The following REC114 variants were observed in gnomAD, a reference collection of about 807,000 sequenced individuals.
The protein encoded by REC114 is meiotic recombination protein REC114.
Under a neutral mutation model 31.3 loss-of-function variants are expected in REC114, and 27 were observed. The ratio of observed to expected loss-of-function variants is 0.86; its 90% CI spans 0.64 to 1.19. REC114 has a LOEUF of 1.19. REC114 is among the 50% of genes most tolerant of loss of function. The pLI, the probability that REC114 is intolerant of heterozygous loss-of-function variation, is 0.00. For missense variants in REC114, 344 were observed against 326.9 expected (o/e 1.05, Z -0.40); for synonymous variants, 134 against 127.7 (o/e 1.05, Z -0.33).
At chr15:73,506,884 C>G (rs574491129) in intron 2 of REC114, among the ~76,000 whole-genome samples, 1 of 151,972 alleles carries the variant, frequency 6.6e-6, no homozygotes, top group Non-Finnish European at 1.5e-5. Flanking sequence ...ATATTAACTA[C>G]GTAAAAGTAG....
rs1481010642 is a variant in REC114 at position 73,508,601 on chromosome 15, C to A, written c.250-31884C>A. ...CAATGCTATCCCTCCCCCCTCCCCC[C>A]ACCCCACAACAGTCCCCAGAGTGTG... On this transcript the variant is annotated intron_variant, in intron 2 of 5. Coordinates refer to ENST00000331090, the MANE Select transcript of REC114 (RefSeq NM_001042367.2). 9.2e-4 allele frequency among the ~76,000 whole-genome samples: 108 copies of A among 116,774 alleles called. 1 individual carries two copies. The highest frequency in any genetic ancestry group is 3.2e-3 in the African/African-American group (100 of 31,218). 76.6% of individuals were successfully genotyped at this position (116,774 alleles called of 152,430 possible).
chr15:73,498,575 A>T (rs575103578), intron 2 of REC114, among the ~76,000 whole-genome samples: 1 of 152,212 alleles, frequency 6.6e-6, no homozygotes, highest in Admixed American at 6.5e-5. Flanking sequence ...AAATAGCAGT[A>T]TTTGAACTTC....
chr15:73,521,400 G>T (rs1893933869), intron 2 of REC114, among the ~76,000 whole-genome samples: 1 of 152,102 alleles, frequency 6.6e-6, no homozygotes, highest in Admixed American at 6.6e-5. Flanking sequence ...TATTAGAAAA[G>T]ATGTAAGAGT....
chr15:73,487,951 C>T (rs532893172), intron 2 of REC114, among the ~76,000 whole-genome samples: 2 of 152,302 alleles, frequency 1.3e-5, no homozygotes, highest in East Asian at 1.9e-4. Context: ...ACAGCTTGTG[C>T]ACCCTACACA....
At chr15:73,519,270 C>T (rs1300832006) in intron 2 of REC114, among the ~76,000 whole-genome samples, 1 of 152,074 alleles carries the variant, frequency 6.6e-6, no homozygotes, top group Non-Finnish European at 1.5e-5. Flanking sequence ...TAAAAGAGAC[C>T]CCAGAGAGCT....
chr15:73,453,371 C>T (rs1892877309), intron 1 of REC114, among the ~76,000 whole-genome samples: 1 of 152,142 alleles, frequency 6.6e-6, no homozygotes, highest in Non-Finnish European at 1.5e-5. Flanking sequence ...TGTAAAAAAG[C>T]TCGTCATCAC....
chr15:73,533,817 C>T (rs1894118965), intron 2 of REC114, among the ~76,000 whole-genome samples: 1 of 136,932 alleles, frequency 7.3e-6, no homozygotes, highest in South Asian at 2.6e-4. Context: ...TGTAAAAGAA[C>T]AGAAATTATA....
intron 2 of REC114, among the ~76,000 whole-genome samples, chr15:73,534,407 C>T (rs1375345151): frequency 3.1e-4 from 47 of 152,292 alleles, no homozygotes; most frequent in African/African-American, 5.1e-4. Context: ...ATCACCTCTA[C>T]GCAAATAAAC....
At chr15:73,482,764 C>T (rs1003519082) in intron 2 of REC114, among the ~76,000 whole-genome samples, 5 of 152,274 alleles carry the variant, frequency 3.3e-5, no homozygotes, top group Admixed American at 2.6e-4. Context: ...TTGTTAATAC[C>T]TTTTGCCTAT....
chr15:73,443,596 T>C (rs1892727633), intron 1 of REC114, among the ~76,000 whole-genome samples: 1 of 152,194 alleles, frequency 6.6e-6, no homozygotes, highest in African/African-American at 2.4e-5. Flanking sequence ...ATATTCAATG[T>C]GTATTTATTG....
At chr15:73,544,752 C>T (rs901337445) in intron 3 of REC114, among the ~76,000 whole-genome samples, 1 of 152,166 alleles carries the variant, frequency 6.6e-6, no homozygotes, top group Non-Finnish European at 1.5e-5. Flanking sequence ...TGCTGAAGTA[C>T]CTTCTCTGTT....
chr15:73,462,416 T>G (rs769621561), intron 1 of REC114, among the ~76,000 whole-genome samples: 18 of 152,196 alleles, frequency 1.2e-4, no homozygotes, highest in Non-Finnish European at 2.1e-4. Context: ...ATTCAAATCC[T>G]AAATACAGTA....
chr15:73,501,275 T>C (rs568963113), intron 2 of REC114, among the ~76,000 whole-genome samples: 1 of 152,196 alleles, frequency 6.6e-6, no homozygotes, highest in Non-Finnish European at 1.5e-5. Context: ...TTTTATTACA[T>C]GTAGTGTGGA....
Position 73,556,365 on chromosome 15 carries a change from A to C in REC114, c.610A>C (p.Arg204=), listed in dbSNP as rs774138589. 3.8e-5 allele frequency: 61 copies of C among 1,613,684 alleles called. No homozygotes were observed. Among genetic ancestry groups the C allele is most frequent in the Non-Finnish European group, 5.0e-5 (59 of 1,179,790 alleles). Residue 204 remains arginine, a synonymous_variant, in exon 5 of 6, where the codon AGG becomes CGG. Coordinates refer to ENST00000331090, the MANE Select transcript of REC114 (RefSeq NM_001042367.2). ...AGCGGGCACAGGCGCTCCAGACGGA[A>C]GGACCTCACTGACGCAGTTAGCTCA... ...VTAGTGAPDG[R]TSLTQLAQTL... is the part of the protein sequence containing the mutation.
chr15:73,446,422 C>T (rs1159644315), intron 1 of REC114, among the ~76,000 whole-genome samples: 1 of 152,054 alleles, frequency 6.6e-6, no homozygotes, highest in East Asian at 1.9e-4. Context: ...GGCGGATCAC[C>T]TGAGGTCAGG....
Position 73,473,885 on chromosome 15 carries a change from A to C in REC114, c.213A>C (p.Ser71=). The C allele has an allele frequency of 6.3e-7, 1 of 1,588,122 alleles. No homozygotes were observed. Among genetic ancestry groups the C allele is most frequent in the Non-Finnish European group, 8.6e-7 (1 of 1,164,804 alleles). The change falls in exon 2 of 6, where the codon TCA becomes TCC. Residue 71 remains serine, a synonymous_variant. Coordinates refer to ENST00000331090, the MANE Select transcript of REC114 (RefSeq NM_001042367.2). ...SGYLVLTIVI[S]GHFFIFQGQT... ...ATCTTGTTCTCACCATAGTTATATC[A>C]GGTCATTTCTTCATTTTCCAAGGAC...
intron 1 of REC114, among the ~76,000 whole-genome samples, chr15:73,445,157 A>C (rs1438670488): frequency 6.6e-6 from 1 of 152,204 alleles, no homozygotes; most frequent in Non-Finnish European, 1.5e-5. Context: ...GTAAATGAGC[A>C]TTGGCTTCAA....
chr15:73,514,304 G>A (rs1206538486), intron 2 of REC114, among the ~76,000 whole-genome samples: 1 of 151,614 alleles, frequency 6.6e-6, no homozygotes, highest in East Asian at 1.9e-4. Flanking sequence ...GCTTCGGCTC[G>A]CGCACGGTGC....
intron 2 of REC114, among the ~76,000 whole-genome samples, chr15:73,537,834 C>T (rs973952993): frequency 6.6e-6 from 1 of 152,156 alleles, no homozygotes; most frequent in African/African-American, 2.4e-5. Context: ...CTGCACTGTT[C>T]GCCTTCACTC....
Sources: allele counts gnomAD v4.1 joint callset (sites outside exome capture counted in the v4.1 genomes callset), GRCh38; gene constraint gnomAD v4.1.1; transcripts MANE v1.5; gene names NCBI Gene and HGNC (gene_info 2026-07-23, HGNC 2026-07-21).